Variants in FBN3 observed in about 807,000 individuals in gnomAD.
The protein encoded by FBN3 is fibrillin-3.
In FBN3, 234 loss-of-function variants were observed where a neutral mutation model predicts 330.1. The observed-to-expected ratio is 0.71, with a 90% CI of 0.64 to 0.79. The LOEUF (loss-of-function observed/expected upper bound fraction) is 0.79, where lower values mean the gene tolerates loss of function less well. Among genes scored for constraint, FBN3 ranks in the 30% least tolerant of loss-of-function variants. The pLI is 0.00. For missense variants in FBN3, 3,606 were observed against 3,886.9 expected (o/e 0.93, Z 1.92); for synonymous variants, 1,458 against 1,517.3 (o/e 0.96, Z 0.91).
intron 13 of FBN3, 25 bp downstream of exon 13, chr19:8,135,936 G>GAGCCC: frequency 4.5e-6 from 3 of 668,776 alleles, no homozygotes; most frequent in East Asian, 3.9e-5. Context: ...GGAAGCCCCT[G>GAGCCC]CCCACCCGCC....
intron 30 of FBN3, among the ~76,000 whole-genome samples, chr19:8,113,146 C>G (rs1379535282): frequency 1.3e-5 from 2 of 152,188 alleles, no homozygotes; most frequent in Non-Finnish European, 2.9e-5. Flanking sequence ...GGCTGTGTAG[C>G]CAGATGCAAT....
Position 8,115,614 on chromosome 19 carries a change from G to A in FBN3, c.3739C>T (p.His1247Tyr). The A allele has an allele frequency of 6.2e-7, 1 of 1,614,098 alleles. No homozygotes were observed. The highest frequency in any genetic ancestry group is 8.5e-7 in the Non-Finnish European group (1 of 1,180,002). ...VDVDECDLNP[H>Y]ICLHGDCENT... ...TCGCAGTCCCCATGGAGGCAGATGT[G>A]AGGGTTCAGGTCACACTCATCCACA... Residue 1247 changes from histidine (H) to tyrosine (Y), a missense_variant, in exon 30 of 64, where the codon CAC becomes TAC. His to Tyr is a moderately conservative substitution (Grantham distance 83). Transcript: ENST00000600128.
intron 59 of FBN3, among the ~76,000 whole-genome samples, chr19:8,076,062 A>G (rs1219423945): frequency 6.6e-6 from 1 of 152,186 alleles, no homozygotes; most frequent in African/African-American, 2.4e-5. Flanking sequence ...AAGAGACACC[A>G]GAAAGCTTGC....
Position 8,072,057 on chromosome 19 carries a change from CCTGTGGGCA to C in FBN3, c.8070_8078del (p.Ser2690_His2692del). 2 of 1,611,920 alleles carry C rather than the reference CCTGTGGGCA, an allele frequency of 1.2e-6. No homozygotes were observed. The highest frequency in any genetic ancestry group is 1.7e-6 in the Non-Finnish European group (2 of 1,179,672). Reference sequence around the variant, plus strand: ...GCAGCACCCATGTCACCTGGTGGTCCCTGTGGGCACTGCGTCGTGGCCGGTCCCGAGGGG... The same window carrying C: ...GCAGCACCCATGTCACCTGGTGGTCCCTGCGTCGTGGCCGGTCCCGAGGGG... On this transcript the variant is annotated inframe_deletion, in exon 63 of 64. Coordinates refer to ENST00000600128, the MANE Select transcript of FBN3 (RefSeq NM_032447.5).
chr19:8,085,676 G>A, intron 55 of FBN3, 107 bp from the exon 56 acceptor site: 1 of 834,986 alleles, frequency 1.2e-6, no homozygotes, highest in Non-Finnish European at 1.8e-6. Flanking sequence ...TTGGGGACAG[G>A]GGTGTCCAGG....
chr19:8,135,936 G>GTGCCCCCCCCCCC, intron 13 of FBN3, 25 bp downstream of exon 13: 4 of 668,778 alleles, frequency 6.0e-6, no homozygotes, highest in South Asian at 3.2e-5. Flanking sequence ...GGAAGCCCCT[G>GTGCCCCCCCCCCC]CCCACCCGCC....
intron 22 of FBN3, among the ~76,000 whole-genome samples, chr19:8,124,596 G>A (rs1189117070): frequency 6.7e-6 from 1 of 148,550 alleles, no homozygotes; most frequent in Admixed American, 6.8e-5. Flanking sequence ...GTAGTGCAGC[G>A]GCACAATCTC....
In FBN3 at chr19:8,113,842, A is replaced by AAAG. The variant is rs137957880; in HGVS notation, c.3838+1672_3838+1673insCTT. On this transcript the variant is annotated intron_variant, in intron 30 of 63. Transcript: ENST00000600128. ...CGACATAGTAAAACACTATCTCTAC[A>AAAG]AAAAAAAAAAAAAAAATTAGCTGAG... is the stretch of plus-strand genomic sequence containing the variant. Among the ~76,000 whole-genome samples, 31 of 9,710 alleles carry AAAG rather than the reference A, an allele frequency of 3.2e-3. 1 individual carries two copies. In the South Asian group the frequency reaches 0.1, roughly 32 times the overall value. 6.4% of individuals were successfully genotyped at this position (9,710 alleles called of 152,430 possible).
chr19:8,080,560 A>C (rs2081752547), intron 59 of FBN3, among the ~76,000 whole-genome samples: 1 of 152,166 alleles, frequency 6.6e-6, no homozygotes, highest in South Asian at 2.1e-4. Context: ...AGCACTAAGG[A>C]AGTAACGACT....
chr19:8,095,375 C>A lies in FBN3; in HGVS notation c.5785G>T (p.Asp1929Tyr), dbSNP rs780658191. 2.0e-5 allele frequency: 32 copies of A among 1,612,752 alleles called. No homozygotes were observed. Among genetic ancestry groups the A allele is most frequent in the Non-Finnish European group, 2.6e-5 (31 of 1,179,300 alleles). The stretch of plus-strand genomic sequence containing the variant: ...CTCCGAGCACCATAGGCAGACTCAC[C>A]CACACAGTTCTTCCCATCAGCTGTG... ...ELTADGKNCV[D>Y]TNECLSLAGT... The change falls in exon 46 of 64, where the codon GAC becomes TAC. Residue 1929 changes from aspartate (D) to tyrosine (Y), a missense_variant and splice_region_variant. Asp to Tyr is a radical substitution (Grantham distance 160, BLOSUM62 -3). Transcript: ENST00000600128.
At chr19:8,088,932 GAGTGATTGAATGAACA>G (rs2082029115) in intron 51 of FBN3, among the ~76,000 whole-genome samples, 1 of 151,008 alleles carries the variant, frequency 6.6e-6, no homozygotes, top group Admixed American at 6.6e-5. Flanking sequence ...ATGAATGAGG[GAGTGATTGAATGAACA>G]AGTGAATGAA....
At chr19:8,117,011 C>T (rs2082720479) in intron 28 of FBN3, among the ~76,000 whole-genome samples, 158 bp downstream of exon 28, 1 of 152,128 alleles carries the variant, frequency 6.6e-6, no homozygotes, top group African/African-American at 2.4e-5. Context: ...ACAGGGTGAG[C>T]AGCCTGCCTG....
intron 22 of FBN3, among the ~76,000 whole-genome samples, chr19:8,125,270 C>T (rs1046902095): frequency 2.6e-5 from 4 of 151,844 alleles, no homozygotes; most frequent in Non-Finnish European, 4.4e-5. Flanking sequence ...AATAAATTAG[C>T]GGGTGTGGTG....
chr19:8,083,986 T>C (rs969057778), intron 56 of FBN3, among the ~76,000 whole-genome samples: 2 of 151,744 alleles, frequency 1.3e-5, no homozygotes, highest in East Asian at 2.0e-4. Flanking sequence ...GTATTTTTAA[T>C]AGAGACAGGG....
chr19:8,105,910 C>T (rs1045379527), intron 38 of FBN3, among the ~76,000 whole-genome samples, 198 bp downstream of exon 38: 2 of 152,108 alleles, frequency 1.3e-5, no homozygotes, highest in Non-Finnish European at 2.9e-5. Flanking sequence ...TACCATCCCC[C>T]ACACCACAGA....
intron 34 of FBN3, among the ~76,000 whole-genome samples, chr19:8,110,307 C>T (rs1599364967): frequency 6.6e-6 from 1 of 152,202 alleles, no homozygotes; most frequent in East Asian, 1.9e-4. Flanking sequence ...GATCCTCCCA[C>T]CTCAGCCTCC....
intron 30 of FBN3, among the ~76,000 whole-genome samples, chr19:8,113,325 G>T (rs1021169440): frequency 1.3e-5 from 2 of 152,276 alleles, no homozygotes; most frequent in Admixed American, 1.3e-4. Flanking sequence ...GGAGTGCAGT[G>T]CAATGGTGCA....
rs200406590 is a variant in FBN3, at chr19:8,096,894, G to T, written c.5400C>A (p.Gly1800=). The stretch of plus-strand genomic sequence containing the variant: ...GACCCTGCTCACCCACACAAGCCCC[G>T]CCTGGCGACAGTTTGTACCCTCGGG... ...KCTRGYKLSP[G]GACVGRNECR... Residue 1800 remains glycine, a synonymous_variant, in exon 43 of 64, where the codon GGC becomes GGA. Transcript: ENST00000600128. The surrounding 1 kb of genome is among the most constrained non-coding windows in gnomAD (Gnocchi z 4.6). 3 of 1,613,172 alleles carry T rather than the reference G, an allele frequency of 1.9e-6. No homozygotes were observed. The Admixed American group carries it at 5.0e-5, about 27-fold the overall frequency.
intron 37 of FBN3, among the ~76,000 whole-genome samples, chr19:8,106,460 C>G (rs879595093): frequency 7.2e-5 from 11 of 152,318 alleles, no homozygotes; most frequent in Non-Finnish European, 1.0e-4. Flanking sequence ...GTCCATTCTC[C>G]CATCCACCAC....
Sources: gnomAD v4.1 joint callset for allele counts (sites outside exome capture counted in the v4.1 genomes callset) on GRCh38, gnomAD v4.1.1 for gene constraint, Gnocchi (gnomAD v3.1) non-coding constraint, MANE v1.5 for transcripts, NCBI Gene and HGNC (gene_info 2026-07-23, HGNC 2026-07-21) for gene names.